The following GPC5 variants were observed in gnomAD, a reference collection of about 807,000 sequenced individuals.
The protein encoded by GPC5 is glypican 5.
Under a neutral mutation model 53.9 loss-of-function variants are expected in GPC5, and 47 were observed. The observed-to-expected ratio is 0.87, with a 90% CI of 0.69 to 1.11. The LOEUF (loss-of-function observed/expected upper bound fraction) is 1.11, where lower values mean the gene tolerates loss of function less well. Ranked by LOEUF, GPC5 falls within the 50% of genes most tolerant of loss-of-function variation. GPC5 has a pLI of 0.00. For missense variants in GPC5, 748 were observed against 713.1 expected, an observed-to-expected ratio of 1.05 and a Z score of -0.56; for synonymous variants, 286 against 263.3, an observed-to-expected ratio of 1.09 and a Z score of -0.84.
At chr13:91,987,529 T>C (rs1375898016) in intron 6 of GPC5, among the ~76,000 whole-genome samples, 1 of 152,024 alleles carries the variant, frequency 6.6e-6, no homozygotes, top group African/African-American at 2.4e-5. Context: ...CTTTTTTATA[T>C]GCATTTAGTT....
chr13:92,494,235 G>T (rs953911591), intron 7 of GPC5, among the ~76,000 whole-genome samples: 2 of 151,616 alleles, frequency 1.3e-5, no homozygotes, highest in African/African-American at 2.4e-5. Flanking sequence ...GACTACAGGC[G>T]CCCGCCACTA....
intron 7 of GPC5, among the ~76,000 whole-genome samples, chr13:92,370,532 A>AG (rs2043641667): frequency 1.0e-5 from 1 of 97,430 alleles, no homozygotes; most frequent in African/African-American, 3.7e-5. Flanking sequence ...AAGAAACAGA[A>AG]AAAAAAAACA....
At chr13:91,949,541 A>G (rs944049061) in intron 6 of GPC5, among the ~76,000 whole-genome samples, 1 of 152,224 alleles carries the variant, frequency 6.6e-6, no homozygotes, top group Admixed American at 6.5e-5. Context: ...TGCTAAAGGT[A>G]TAGCTTGCTA....
chr13:92,580,466 T>A (rs1466513220), intron 7 of GPC5, among the ~76,000 whole-genome samples: 1 of 152,122 alleles, frequency 6.6e-6, no homozygotes, highest in East Asian at 1.9e-4. Context: ...TATAAATATA[T>A]GTGTTTATAT....
chr13:91,876,016 G>A (rs2039197888), intron 5 of GPC5, among the ~76,000 whole-genome samples: 1 of 152,188 alleles, frequency 6.6e-6, no homozygotes, highest in Non-Finnish European at 1.5e-5. Context: ...TCATGACAGT[G>A]AATAAGTCTC....
intron 7 of GPC5, among the ~76,000 whole-genome samples, chr13:92,853,854 T>TG (rs1172634835): frequency 6.6e-6 from 1 of 152,130 alleles, no homozygotes; most frequent in Non-Finnish European, 1.5e-5. Context: ...TATCCAATAG[T>TG]GCCGCATCAA....
At chr13:92,605,305 A>T (rs1455598619) in intron 7 of GPC5, among the ~76,000 whole-genome samples, 2 of 152,190 alleles carry the variant, frequency 1.3e-5, no homozygotes, top group Admixed American at 1.3e-4. Context: ...GTTTGTGATA[A>T]AAAGTATATT....
chr13:91,503,814 A>ATCATCATC (rs1566457715), intron 2 of GPC5, among the ~76,000 whole-genome samples: 8 of 138,724 alleles, frequency 5.8e-5, no homozygotes, highest in African/African-American at 2.5e-4. Flanking sequence ...TAATAATAAT[A>ATCATCATC]ATAATCAGGC....
chr13:92,509,867 C>T (rs1466285448), intron 7 of GPC5: 2 of 152,076 alleles, frequency 1.3e-5, no homozygotes, highest in African/African-American at 4.8e-5. Context: ...TTTGCTCATT[C>T]TGCTAGAAAA....
chr13:92,352,196 C>T (rs979089256), intron 7 of GPC5, among the ~76,000 whole-genome samples: 1 of 151,852 alleles, frequency 6.6e-6, no homozygotes, highest in Non-Finnish European at 1.5e-5. Context: ...AGGGGCTATT[C>T]CACAAATGAA....
intron 6 of GPC5, among the ~76,000 whole-genome samples, chr13:91,939,644 C>T (rs1370265459): frequency 1.3e-5 from 2 of 152,110 alleles, no homozygotes; most frequent in Non-Finnish European, 2.9e-5. Context: ...CCTTAGGAAA[C>T]TTGTTCCAAG....
chr13:91,665,541 C>T (rs939377600), intron 2 of GPC5, among the ~76,000 whole-genome samples: 33 of 145,556 alleles, frequency 2.3e-4, no homozygotes, highest in Middle Eastern at 3.8e-3. Flanking sequence ...CTCGCTCTGT[C>T]GCCCAGGCTG....
intron 7 of GPC5, among the ~76,000 whole-genome samples, chr13:92,765,984 C>T (rs989439112): frequency 2.0e-5 from 3 of 152,126 alleles, no homozygotes; most frequent in Admixed American, 6.6e-5. Flanking sequence ...ATAGGCTTTG[C>T]TGAGTTTGGG....
chr13:92,610,087 C>T (rs1332404408), intron 7 of GPC5, among the ~76,000 whole-genome samples: 1 of 148,540 alleles, frequency 6.7e-6, no homozygotes, highest in Non-Finnish European at 1.5e-5. Flanking sequence ...TTAACATTTC[C>T]TTAAAGTTGA....
At chr13:92,399,959 A>G (rs1486134356) in intron 7 of GPC5, among the ~76,000 whole-genome samples, 1 of 152,166 alleles carries the variant, frequency 6.6e-6, no homozygotes, top group Non-Finnish European at 1.5e-5. Context: ...GACTGACTGT[A>G]GGCTTTCATC....
intron 6 of GPC5, among the ~76,000 whole-genome samples, chr13:92,034,021 T>C (rs1205108222): frequency 6.6e-6 from 1 of 152,178 alleles, no homozygotes. Flanking sequence ...GGTGTGTTCA[T>C]TACATGGAAT....
chr13:91,972,574 C>T (rs1256290374), intron 6 of GPC5, among the ~76,000 whole-genome samples: 1 of 152,190 alleles, frequency 6.6e-6, no homozygotes, highest in African/African-American at 2.4e-5. Context: ...ATGGTCTTTA[C>T]ATTTTGGCAT....
At chr13:92,074,777 A>G (rs1306281514) in intron 6 of GPC5, among the ~76,000 whole-genome samples, 1 of 152,138 alleles carries the variant, frequency 6.6e-6, no homozygotes, top group Non-Finnish European at 1.5e-5. Context: ...GAATAATAGG[A>G]GGGTAGGAAC....
intron 6 of GPC5, among the ~76,000 whole-genome samples, chr13:92,078,850 A>T (rs910776735): frequency 6.6e-5 from 10 of 152,206 alleles, no homozygotes; most frequent in African/African-American, 2.4e-4. Flanking sequence ...TATGTTCAGG[A>T]TAACACTATT....
Sources: gnomAD v4.1 joint callset for allele counts (sites outside exome capture counted in the v4.1 genomes callset) on GRCh38, gnomAD v4.1.1 for gene constraint, MANE v1.5 for transcripts, NCBI Gene and HGNC (gene_info 2026-07-23, HGNC 2026-07-21) for gene names.